Variants in PRKRA observed in about 807,000 individuals in gnomAD.
The protein encoded by PRKRA is protein activator of interferon induced protein kinase EIF2AK2, also known as interferon-inducible double-stranded RNA-dependent protein kinase activator A.
In PRKRA, 22 loss-of-function variants were observed where a neutral mutation model predicts 32.4. That is an observed-to-expected ratio of 0.68 (90% CI 0.49 to 0.97). PRKRA has a LOEUF of 0.97. PRKRA is among the 50% of genes least tolerant of loss of function. The pLI, the probability that PRKRA is intolerant of heterozygous loss-of-function variation, is 0.00. For missense variants in PRKRA, 319 were observed against 375.6 expected (o/e 0.85, Z 1.25); for synonymous variants, 139 against 129.8 (o/e 1.07, Z -0.48).
At chr2:178,448,342 G>GC (rs2154125449) in intron 2 of PRKRA, among the ~76,000 whole-genome samples, 1 of 152,274 alleles carries the variant, frequency 6.6e-6, no homozygotes, top group African/African-American at 2.4e-5. Context: ...TTCAAGTGTG[G>GC]CCCTCAAGTG....
intron 3 of PRKRA, among the ~76,000 whole-genome samples, chr2:178,446,906 T>C (rs1200955725): frequency 2.2e-5 from 3 of 139,102 alleles, no homozygotes; most frequent in Admixed American, 1.6e-4. Flanking sequence ...GGCAGGAGAA[T>C]GGCGTGAACC....
intron 6 of PRKRA, among the ~76,000 whole-genome samples, chr2:178,440,500 C>T (rs1037572862): frequency 1.3e-5 from 2 of 152,154 alleles, no homozygotes; most frequent in Non-Finnish European, 2.9e-5. Flanking sequence ...ATAAGCTATT[C>T]CATAAGCACT....
In PRKRA at chr2:178,444,482, G is replaced by A; in HGVS notation, c.336C>T (p.Pro112=). ...NASICFAVPD[P]LMPDPSKQPK... Reference sequence around the variant, plus strand: ...GTTGCTTGGAAGGGTCAGGCATTAAGGGGTCAGGAACTGCAAAGCTAAATA... The same window carrying A: ...GTTGCTTGGAAGGGTCAGGCATTAAAGGGTCAGGAACTGCAAAGCTAAATA... Residue 112 remains proline (P), a synonymous_variant, in exon 4 of 8, where the codon CCC becomes CCT. Transcript: ENST00000325748. The A allele has an allele frequency of 6.2e-7, 1 of 1,604,016 alleles. No homozygotes were observed. Among genetic ancestry groups the A allele is most frequent in the Middle Eastern group, 1.7e-4 (1 of 6,044 alleles).
At chr2:178,438,533 A>G (rs1033228673) in intron 6 of PRKRA, among the ~76,000 whole-genome samples, 4 of 152,310 alleles carry the variant, frequency 2.6e-5, no homozygotes, top group African/African-American at 9.6e-5. Flanking sequence ...TGACAAGTTC[A>G]GTTTTACAGT....
Position 178,443,252 on chromosome 2 carries a change from G to A in PRKRA, c.514+15C>T. ...GAAAATATTTCAAATGCCTTTAATTGTAAGAAATAAGTACCAGTTTCCATA... is the reference window on the plus strand; with the variant it reads ...GAAAATATTTCAAATGCCTTTAATTATAAGAAATAAGTACCAGTTTCCATA... On this transcript the variant is annotated intron_variant, in intron 5 of 7. Coordinates refer to ENST00000325748, the MANE Select transcript of PRKRA (RefSeq NM_003690.5). 2.8e-6 allele frequency: 2 copies of A among 720,764 alleles called. No individual in the cohort carries two copies. The highest frequency in any genetic ancestry group is 4.1e-6 in the Non-Finnish European group (2 of 490,744). 44.6% of individuals were successfully genotyped at this position (720,764 alleles called of 1,614,324 possible). A position where few individuals can be genotyped will look rare whatever the true frequency, so the allele number is the denominator to read the frequency against.
chr2:178,450,644 G>A lies in PRKRA; in HGVS notation c.66-233C>T. On this transcript the variant is annotated intron_variant, in intron 1 of 7. Coordinates refer to ENST00000325748, the MANE Select transcript of PRKRA (RefSeq NM_003690.5). ...TCTTTAGAGAGAGCACTTGAATGCG[G>A]GTAGGAGAGATTCTCAACAGAACAG... The A allele has an allele frequency of 2.8e-6, 4 of 1,442,516 alleles. No individual in the cohort carries two copies. The South Asian group carries it at 5.9e-5, about 21-fold the overall frequency. The allele number at this position is 1,442,516 out of a possible 1,614,324, so 89.4% of individuals were successfully genotyped here. A position where few individuals can be genotyped will look rare whatever the true frequency, so the allele number is the denominator to read the frequency against.
chr2:178,450,865 C>T lies in PRKRA; in HGVS notation c.65+101G>A, dbSNP rs1235073285. 6.5e-6 allele frequency: 8 copies of T among 1,235,318 alleles called. No homozygotes were observed. The African/African-American group carries it at 6.6e-5, about 10-fold the overall frequency. 76.5% of individuals were successfully genotyped at this position (1,235,318 alleles called of 1,614,324 possible). ...CAGCCGCGGAGGCGTGGGCGCCGGG[C>T]ACGGCTTTACCCAGAATGCCTCTGG... is the stretch of plus-strand genomic sequence containing the variant. On this transcript the variant is annotated intron_variant, in intron 1 of 7. Transcript: ENST00000325748.
At chr2:178,442,312 T>G (rs992935160) in intron 5 of PRKRA, among the ~76,000 whole-genome samples, 1 of 152,254 alleles carries the variant, frequency 6.6e-6, no homozygotes, top group Non-Finnish European at 1.5e-5. Flanking sequence ...ATATTTGGTT[T>G]AATTCTGACC....
intron 7 of PRKRA, 152 bp downstream of exon 7, chr2:178,435,993 A>G: frequency 1.5e-6 from 1 of 663,374 alleles, no homozygotes; most frequent in Non-Finnish European, 2.5e-6. Flanking sequence ...TCAATTATAT[A>G]TATTACTGGC....
intron 3 of PRKRA, among the ~76,000 whole-genome samples, chr2:178,446,930 T>C (rs1697333194): frequency 6.9e-6 from 1 of 145,388 alleles, no homozygotes; most frequent in Non-Finnish European, 1.5e-5. Flanking sequence ...GAGGCGGAGC[T>C]TGCAGTGAGC....
chr2:178,436,289 T>C lies in PRKRA; in HGVS notation c.640A>G (p.Thr214Ala), dbSNP rs767272466. The C allele has an allele frequency of 1.5e-5, 24 of 1,613,800 alleles. No homozygotes were observed. Among genetic ancestry groups the C allele is most frequent in the Non-Finnish European group, 2.0e-5 (24 of 1,179,896 alleles). The change falls in exon 7 of 8, where the codon ACT becomes GCT. Residue 214 changes from threonine to alanine, a missense_variant. Coordinates refer to ENST00000325748, the MANE Select transcript of PRKRA (RefSeq NM_003690.5). ...GGAGAATTCCTCAAGGAATGCCAAG[T>C]ACATCCTAAAGAATGTCCTACTACA... ...TNVVGHSLGC[T>A]WHSLRNSPGE... is the part of the protein sequence containing the mutation.
At chr2:178,440,951 A>G (rs1271157972) in intron 6 of PRKRA, among the ~76,000 whole-genome samples, 1 of 152,080 alleles carries the variant, frequency 6.6e-6, no homozygotes, top group Non-Finnish European at 1.5e-5. Context: ...TCCCTCCAAC[A>G]CTATGTTCTA....
rs142218513 is a variant in PRKRA, at chr2:178,435,908, T to C, written c.784+237A>G. ...CAGTGTCTGGCACACAGTAAAACTCTATCTTTGCTATTGTTGTTTTTGTTA... is the reference window on the plus strand; with the variant it reads ...CAGTGTCTGGCACACAGTAAAACTCCATCTTTGCTATTGTTGTTTTTGTTA... On this transcript the variant is annotated intron_variant, in intron 7 of 7. Coordinates refer to ENST00000325748, the MANE Select transcript of PRKRA (RefSeq NM_003690.5). 2.9e-3 allele frequency among the ~76,000 whole-genome samples: 441 copies of C among 152,360 alleles called. 2 individuals carry two copies. Among genetic ancestry groups the C allele is most frequent in the African/African-American group, 9.7e-3 (405 of 41,590 alleles).
At chr2:178,449,360 A>G (rs900390010) in intron 2 of PRKRA, among the ~76,000 whole-genome samples, 2 of 152,244 alleles carry the variant, frequency 1.3e-5, no homozygotes, top group Non-Finnish European at 2.9e-5. Context: ...ATTAAAATAA[A>G]AGACTCCAAA....
intron 2 of PRKRA, among the ~76,000 whole-genome samples, chr2:178,448,013 C>T (rs770419277): frequency 1.4e-4 from 22 of 152,194 alleles, no homozygotes; most frequent in Non-Finnish European, 2.9e-4. Context: ...GAACCATTTA[C>T]AGCAGAATTG....
chr2:178,443,200 A>C, intron 5 of PRKRA, 67 bp downstream of exon 5: 1 of 874,580 alleles, frequency 1.1e-6, no homozygotes, highest in Non-Finnish European at 1.6e-6. Flanking sequence ...ACATTACGAC[A>C]GAAATTTCGA....
chr2:178,441,590 T>C lies in PRKRA; in HGVS notation c.609+20A>G, dbSNP rs73973115. 3,107 of 720,852 alleles carry C rather than the reference T, an allele frequency of 4.3e-3. 54 individuals are homozygous for C. In the African/African-American group the frequency reaches 0.054, roughly 13 times the overall value. 44.7% of individuals were successfully genotyped at this position (720,852 alleles called of 1,614,324 possible). On this transcript the variant is annotated intron_variant, in intron 6 of 7. Coordinates refer to ENST00000325748, the MANE Select transcript of PRKRA (RefSeq NM_003690.5). ...GAAATGCTTAATGACATTAACATCA[T>C]AGCTGTCAACATTACTCACTAAAGA... is the stretch of plus-strand genomic sequence containing the variant.
Position 178,443,385 on chromosome 2 carries a change from C to CGG in PRKRA, c.397-2_397-1insCC. 1 of 1,582,148 alleles carries CGG rather than the reference C, an allele frequency of 6.3e-7. No homozygotes were observed. The highest frequency in any genetic ancestry group is 8.7e-7 in the Non-Finnish European group (1 of 1,151,152). ...TCCAGCCATGATGAATAGCCAATTC[C>CGG]TATAAAATCAAGATGAGGCTTTAAT... On this transcript the variant is annotated splice_acceptor_variant, in intron 4 of 7. Coordinates refer to ENST00000325748, the MANE Select transcript of PRKRA (RefSeq NM_003690.5). LOFTEE classifies it high-confidence loss of function.
At chr2:178,441,538 G>C in intron 6 of PRKRA, 72 bp downstream of exon 6, 1 of 1,217,050 alleles carries the variant, frequency 8.2e-7, no homozygotes, top group South Asian at 1.2e-5. Flanking sequence ...TATAGAATAA[G>C]AAATCAAGGA....
Sources: gnomAD v4.1 joint callset for allele counts (sites outside exome capture counted in the v4.1 genomes callset) on GRCh38, gnomAD v4.1.1 for gene constraint, MANE v1.5 for transcripts, NCBI Gene and HGNC (gene_info 2026-07-23, HGNC 2026-07-21) for gene names.